The following RB1 variants were observed in gnomAD, a reference collection of about 807,000 sequenced individuals.
RB1 encodes RB transcriptional corepressor 1.
A neutral mutation model predicts 135.4 loss-of-function variants in RB1; 18 were observed. The ratio of observed to expected loss-of-function variants is 0.13; its 90% CI spans 0.09 to 0.20. The LOEUF is 0.20. Among genes scored for constraint, RB1 ranks in the 10% least tolerant of loss-of-function variants. The probability of loss-of-function intolerance (pLI) is 1.00; values close to 1 mark genes in which losing one functional copy is unlikely to be tolerated. For synonymous variants in RB1, 365 were observed against 373.2 expected (o/e 0.98, Z 0.25); for missense variants, 868 against 1,110.0 (o/e 0.78, Z 3.10).
intron 2 of RB1, chr13:48,328,435 G>T: frequency 2.6e-6 from 3 of 1,158,494 alleles, no homozygotes; most frequent in Non-Finnish European, 3.9e-6. Flanking sequence ...TTTGTTGGAG[G>T]TCTGCAGCTT....
intron 2 of RB1, among the ~76,000 whole-genome samples, chr13:48,321,788 G>C (rs1458796695): frequency 1.3e-5 from 2 of 152,122 alleles, no homozygotes; most frequent in Non-Finnish European, 2.9e-5. Flanking sequence ...CCCAGGAGGC[G>C]GAGGTTGCAG....
At chr13:48,318,297 A>T (rs1381438055) in intron 2 of RB1, 3 of 1,155,606 alleles carry the variant, frequency 2.6e-6, no homozygotes, top group Non-Finnish European at 3.6e-6. Context: ...CAGCTGCTCC[A>T]GGAAGTGCAT....
intron 17 of RB1, among the ~76,000 whole-genome samples, chr13:48,417,014 C>T (rs1049730411): frequency 1.7e-4 from 26 of 152,194 alleles, no homozygotes; most frequent in African/African-American, 5.1e-4. Flanking sequence ...CAGACTTAAA[C>T]GTTCCTGCCT....
At chr13:48,344,319 A>G (rs1952473036) in intron 3 of RB1, among the ~76,000 whole-genome samples, 2 of 152,200 alleles carry the variant, frequency 1.3e-5, no homozygotes, top group South Asian at 2.1e-4. Flanking sequence ...TTTGGTGTGT[A>G]TCTCTGACAG....
At chr13:48,333,568 C>T (rs562783911) in intron 2 of RB1, among the ~76,000 whole-genome samples, 6 of 151,860 alleles carry the variant, frequency 4.0e-5, no homozygotes, top group East Asian at 1.9e-4. Flanking sequence ...TCTGTAATGT[C>T]GTTCTTTGTG....
chr13:48,377,980 T>TA (rs2138138353), intron 13 of RB1, among the ~76,000 whole-genome samples: 1 of 152,228 alleles, frequency 6.6e-6, no homozygotes, highest in African/African-American at 2.4e-5. Flanking sequence ...GTACAAAAGA[T>TA]AAAAAATGGA....
At chr13:48,344,982 C>A in intron 3 of RB1, 98 bp from the exon 4 acceptor site, 2 of 1,384,512 alleles carry the variant, frequency 1.4e-6, no homozygotes, top group East Asian at 2.4e-5. Context: ...TGATGTAGAG[C>A]TGATAATCTT....
chr13:48,332,245 G>A (rs1347986127), intron 2 of RB1, among the ~76,000 whole-genome samples: 1 of 152,206 alleles, frequency 6.6e-6, no homozygotes, highest in Non-Finnish European at 1.5e-5. Flanking sequence ...ATGTGGAGAT[G>A]TTTGTCAAAG....
In RB1 at chr13:48,307,355, A is replaced by T. The variant is rs1326990660; in HGVS notation, c.213A>T (p.Arg71Ser). 2 of 1,612,416 alleles carry T rather than the reference A, an allele frequency of 1.2e-6. No individual in the cohort carries two copies. Among genetic ancestry groups the T allele is most frequent in the Non-Finnish European group, 1.7e-6 (2 of 1,178,700 alleles). The stretch of plus-strand genomic sequence containing the variant: ...AATTAAAGATACCAGATCATGTCAG[A>T]GAGAGAGCTTGGTTAACTTGGGAGA... ...CQKLKIPDHV[R>S]ERAWLTWEKV... is the part of the protein sequence containing the mutation. Residue 71 changes from arginine (R) to serine (S), a missense_variant, in exon 2 of 27, where the codon AGA becomes AGT. Physicochemically the swap from Arg to Ser is moderately radical, Grantham distance 110. Around this residue, in one of 3 missense-constraint regions of RB1, gnomAD observed 641 missense variants for 791.3 expected, o/e 0.81. Coordinates refer to ENST00000267163, the MANE Select transcript of RB1 (RefSeq NM_000321.3).
chr13:48,421,390 G>A (rs530787729), intron 17 of RB1, among the ~76,000 whole-genome samples: 3 of 152,294 alleles, frequency 2.0e-5, no homozygotes, highest in Non-Finnish European at 2.9e-5. Context: ...AGAGTTAAAT[G>A]TAAGACCTAA....
chr13:48,307,018 G>A (rs1981434), intron 1 of RB1, among the ~76,000 whole-genome samples: 1 of 152,012 alleles, frequency 6.6e-6, no homozygotes, highest in African/African-American at 2.4e-5. Flanking sequence ...GAAGTGTTTT[G>A]CTGCTTTGAA....
intron 23 of RB1, among the ~76,000 whole-genome samples, chr13:48,472,918 GATAA>G (rs1949480990): frequency 6.6e-6 from 1 of 152,110 alleles, no homozygotes; most frequent in Admixed American, 6.6e-5. Flanking sequence ...TATGATATAT[GATAA>G]ATAGCCTTTA....
At chr13:48,397,450 A>T (rs548411070) in intron 17 of RB1, among the ~76,000 whole-genome samples, 50 of 152,318 alleles carry the variant, frequency 3.3e-4, no homozygotes, top group African/African-American at 1.2e-3. Flanking sequence ...CAGTGAGAAC[A>T]CATGGACACA....
intron 19 of RB1, among the ~76,000 whole-genome samples, chr13:48,456,684 T>C (rs1306037434): frequency 6.6e-6 from 1 of 152,110 alleles, no homozygotes; most frequent in Non-Finnish European, 1.5e-5. Flanking sequence ...AAGTCAGACA[T>C]GGAACGGAGA....
At chr13:48,420,883 AGAG>A (rs1394418915) in intron 17 of RB1, among the ~76,000 whole-genome samples, 1 of 152,320 alleles carries the variant, frequency 6.6e-6, no homozygotes, top group South Asian at 2.1e-4. Flanking sequence ...AAGGAAATAA[AGAG>A]GACACAAACA....
chr13:48,406,520 A>T (rs960572185), intron 17 of RB1: 2 of 152,194 alleles, frequency 1.3e-5, no homozygotes, highest in African/African-American at 4.8e-5. Context: ...TCTACCCTGT[A>T]TCAGACGAAT....
At chr13:48,326,330 A>C (rs1198297760) in intron 2 of RB1, among the ~76,000 whole-genome samples, 1 of 151,642 alleles carries the variant, frequency 6.6e-6, no homozygotes, top group African/African-American at 2.4e-5. Context: ...TTCTTTACCC[A>C]CTTATTTTGG....
chr13:48,459,449 C>A (rs777853641), intron 19 of RB1, among the ~76,000 whole-genome samples: 4 of 152,136 alleles, frequency 2.6e-5, no homozygotes, highest in Non-Finnish European at 5.9e-5. Context: ...CAAGGAAAAT[C>A]CATGCCCCTT....
At chr13:48,352,937 T>C (rs181975870) in intron 6 of RB1, among the ~76,000 whole-genome samples, 1 of 152,292 alleles carries the variant, frequency 6.6e-6, no homozygotes, top group Non-Finnish European at 1.5e-5. Flanking sequence ...GTGCCAGTTT[T>C]CAAAGGGAAT....
Sources: gnomAD v4.1 joint callset for allele counts (sites outside exome capture counted in the v4.1 genomes callset) on GRCh38, gnomAD v4.1.1 for gene constraint, gnomAD v4.1.1 regional missense constraint, MANE v1.5 for transcripts, NCBI Gene and HGNC (gene_info 2026-07-23, HGNC 2026-07-21) for gene names.